DNAJC5: variants seen among roughly 807,000 people sequenced by gnomAD.
DNAJC5 encodes the protein DnaJ heat shock protein family (Hsp40) member C5, also known as dnaJ homolog subfamily C member 5.
A neutral mutation model predicts 23.2 loss-of-function variants in DNAJC5; 1 was observed. The ratio of observed to expected loss-of-function variants is 0.04; its 90% confidence interval spans 0.02 to 0.20. The LOEUF (loss-of-function observed/expected upper bound fraction) is 0.20, where lower values mean the gene tolerates loss of function less well. Ranked by LOEUF, DNAJC5 falls within the 10% of genes least tolerant of loss-of-function variation. The pLI is 1.00. For missense variants in DNAJC5, 180 were observed against 267.0 expected (o/e 0.67, Z 2.27); for synonymous variants, 136 against 120.0 (o/e 1.13, Z -0.87).
chr20:63,913,385 G>T (rs1346225674), intron 1 of DNAJC5, among the ~76,000 whole-genome samples: 2 of 150,408 alleles, frequency 1.3e-5, no homozygotes, highest in Admixed American at 6.6e-5. Context: ...CTAACAGCCT[G>T]TTTTTTTTCT....
In DNAJC5 at chr20:63,930,370, C is replaced by T. The variant is rs146071835; in HGVS notation, c.322-481C>T. Among the ~76,000 whole-genome samples, 1,013 of 151,814 alleles carry T rather than the reference C, an allele frequency of 6.7e-3. 4 individuals carry two copies. Among genetic ancestry groups the T allele is most frequent in the African/African-American group, 0.023 (955 of 41,404 alleles). On this transcript the variant is annotated intron_variant, in intron 3 of 4. Coordinates refer to ENST00000360864, the MANE Select transcript of DNAJC5 (RefSeq NM_025219.3). ...AGGCTGCTTTGTTTTTTTTTTGAGA[C>T]GGAGTCTCGCTCTGTTTCCCAGGCT...
At chr20:63,907,960 G>T (rs536696637) in intron 1 of DNAJC5, among the ~76,000 whole-genome samples, 76 of 152,268 alleles carry the variant, frequency 5.0e-4, no homozygotes, top group Non-Finnish European at 1.0e-3. Flanking sequence ...TAGAGTCGGG[G>T]TTTCACCAGG....
In DNAJC5 at chr20:63,928,321, A is replaced by T; in HGVS notation, c.-11-14A>T. The T allele has an allele frequency of 1.2e-6, 2 of 1,601,464 alleles. No homozygotes were observed. Among genetic ancestry groups the T allele is most frequent in the Non-Finnish European group, 1.7e-6 (2 of 1,169,944 alleles). ...CTATACTTTGTGATACTTTCTTTTT[A>T]TTTTTTCTTCTAGAATAGCCTAACA... On this transcript the variant is annotated splice_polypyrimidine_tract_variant and intron_variant, in intron 1 of 4. Coordinates refer to ENST00000360864, the MANE Select transcript of DNAJC5 (RefSeq NM_025219.3). This position sits in a 1 kb window ranked among gnomAD's most constrained non-coding sequence, Gnocchi z 4.6.
At chr20:63,919,661 C>T (rs866178032) in intron 1 of DNAJC5, 71 of 374,750 alleles carry the variant, frequency 1.9e-4, no homozygotes, top group Middle Eastern at 1.6e-3. Flanking sequence ...CGGAAGAGGA[C>T]GCACCCGGCT....
intron 1 of DNAJC5, among the ~76,000 whole-genome samples, chr20:63,926,007 T>C (rs2053612040): frequency 6.6e-6 from 1 of 152,006 alleles, no homozygotes; most frequent in Non-Finnish European, 1.5e-5. Flanking sequence ...TTTTTGTATT[T>C]TTATTAGAGA....
intron 1 of DNAJC5, among the ~76,000 whole-genome samples, chr20:63,924,188 A>T (rs1233019413): frequency 1.5e-5 from 2 of 129,530 alleles, no homozygotes; most frequent in African/African-American, 3.2e-5. Context: ...TTATACATTT[A>T]AAAAAATCAG....
At chr20:63,927,540 C>T (rs1007776871) in intron 1 of DNAJC5, among the ~76,000 whole-genome samples, 1 of 149,122 alleles carries the variant, frequency 6.7e-6, no homozygotes, top group African/African-American at 2.5e-5. Context: ...AACTGTCCCC[C>T]CCCCCAAAAA....
intron 1 of DNAJC5, among the ~76,000 whole-genome samples, chr20:63,927,206 T>TTAGAAACAATG (rs1200190322): frequency 2.0e-5 from 3 of 150,804 alleles, no homozygotes; most frequent in Non-Finnish European, 4.4e-5. Context: ...GGTTGATTAG[T>TTAGAAACAATG]TAGAAACAAT....
At chr20:63,912,322 G>A (rs2053487736) in intron 1 of DNAJC5, among the ~76,000 whole-genome samples, 1 of 150,820 alleles carries the variant, frequency 6.6e-6, no homozygotes, top group African/African-American at 2.4e-5. Context: ...AAAAAAAAGA[G>A]TAAAGGTGAG....
intron 1 of DNAJC5, among the ~76,000 whole-genome samples, chr20:63,905,423 TTTTTG>T (rs768420772): frequency 2.0e-5 from 3 of 151,838 alleles, no homozygotes; most frequent in Non-Finnish European, 2.9e-5. Flanking sequence ...GGGCTGGATT[TTTTTG>T]TTTTAAGAGA....
chr20:63,934,550 G>C lies in DNAJC5; in HGVS notation c.*2982G>C, dbSNP rs2146314048. 6.6e-6 allele frequency: 1 copy of C among 152,368 alleles called. No individual in the cohort carries two copies. Among genetic ancestry groups the C allele is most frequent in the Non-Finnish European group, 1.5e-5 (1 of 68,036 alleles). 9.4% of individuals were successfully genotyped at this position (152,368 alleles called of 1,614,324 possible). A position where few individuals can be genotyped will look rare whatever the true frequency, so the allele number is the denominator to read the frequency against. On this transcript the variant is annotated 3_prime_UTR_variant, in exon 5 of 5. Transcript: ENST00000360864. ...CTGCAGGAGGCGTAGGAGCGGCCCTGCGGGCCCTTTCACGGCAGCTGCTGC... is the reference window on the plus strand; with the variant it reads ...CTGCAGGAGGCGTAGGAGCGGCCCTCCGGGCCCTTTCACGGCAGCTGCTGC...
Position 63,931,398 on chromosome 20 carries a change from C to A in DNAJC5, c.494-67C>A. Reference sequence around the variant, plus strand: ...GTCCAGGTGCCCGAAAGTCGCTCCACAGGACCAGCGTTGGGTGCGCGCCAG... The same window carrying A: ...GTCCAGGTGCCCGAAAGTCGCTCCAAAGGACCAGCGTTGGGTGCGCGCCAG... On this transcript the variant is annotated intron_variant, in intron 4 of 4. Transcript: ENST00000360864. This position sits in a 1 kb window ranked among gnomAD's most constrained non-coding sequence, Gnocchi z 9.6. 2.8e-6 allele frequency: 4 copies of A among 1,447,966 alleles called. No individual in the cohort carries two copies. Among genetic ancestry groups the A allele is most frequent in the Non-Finnish European group, 2.8e-6 (3 of 1,067,376 alleles). The allele number at this position is 1,447,966 out of a possible 1,614,324, so 89.7% of individuals were successfully genotyped here. A position where few individuals can be genotyped will look rare whatever the true frequency, so the allele number is the denominator to read the frequency against.
chr20:63,917,367 G>A (rs543876103), intron 1 of DNAJC5, among the ~76,000 whole-genome samples: 11 of 152,074 alleles, frequency 7.2e-5, no homozygotes, highest in African/African-American at 2.7e-4. Context: ...CGATTCTCTT[G>A]CCTCAGCCTC....
At chr20:63,914,706 C>T (rs1002683863) in intron 1 of DNAJC5, among the ~76,000 whole-genome samples, 3 of 151,298 alleles carry the variant, frequency 2.0e-5, no homozygotes, top group Non-Finnish European at 4.4e-5. Flanking sequence ...GCCTCCACCT[C>T]CCTAGTTCAA....
chr20:63,935,634 G>A lies in DNAJC5; in HGVS notation c.*4066G>A, dbSNP rs1310268212. On this transcript the variant is annotated 3_prime_UTR_variant, in exon 5 of 5. Coordinates refer to ENST00000360864, the MANE Select transcript of DNAJC5 (RefSeq NM_025219.3). ...GGGAAGGGGCCCTGTGCTGGCCCCGGGTCCGCCCCAGAGGAGTCCACACAG... is the reference window on the plus strand; with the variant it reads ...GGGAAGGGGCCCTGTGCTGGCCCCGAGTCCGCCCCAGAGGAGTCCACACAG... 6.6e-6 allele frequency: 1 copy of A among 152,272 alleles called. No individual in the cohort carries two copies. Among genetic ancestry groups the A allele is most frequent in the African/African-American group, 2.4e-5 (1 of 41,480 alleles). The allele number at this position is 152,272 out of a possible 1,614,324, so 9.4% of individuals were successfully genotyped here.
At chr20:63,917,274 G>A (rs574323300) in intron 1 of DNAJC5, among the ~76,000 whole-genome samples, 3 of 144,898 alleles carry the variant, frequency 2.1e-5, no homozygotes, top group East Asian at 4.1e-4. Context: ...TCTTTTTTTC[G>A]AGATGGAGTC....
At chr20:63,895,805 T>A (rs913731925) in intron 1 of DNAJC5, among the ~76,000 whole-genome samples, 12 of 152,368 alleles carry the variant, frequency 7.9e-5, no homozygotes, top group African/African-American at 2.9e-4. Context: ...CGTAAATTAA[T>A]CTTTCCGACG....
chr20:63,917,841 C>T (rs1441621182), intron 1 of DNAJC5, among the ~76,000 whole-genome samples: 1 of 152,140 alleles, frequency 6.6e-6, no homozygotes, highest in African/African-American at 2.4e-5. Context: ...ATTTTTTAAG[C>T]AGTTTTGATA....
chr20:63,926,361 TGAA>T (rs201216377), intron 1 of DNAJC5, among the ~76,000 whole-genome samples: 1 of 152,372 alleles, frequency 6.6e-6, no homozygotes, highest in East Asian at 1.9e-4. Flanking sequence ...TTGGCTTTGT[TGAA>T]GTTATCTGTT....
Sources: gnomAD v4.1 joint callset for allele counts (sites outside exome capture counted in the v4.1 genomes callset) on GRCh38, gnomAD v4.1.1 for gene constraint, Gnocchi (gnomAD v3.1) non-coding constraint, MANE v1.5 for transcripts, NCBI Gene and HGNC (gene_info 2026-07-23, HGNC 2026-07-21) for gene names.